RAMP1: variants seen among roughly 807,000 people sequenced by gnomAD.
RAMP1 encodes the protein receptor activity modifying protein 1, also known as receptor activity-modifying protein 1.
RAMP1 carries 7 observed loss-of-function variants against 8.2 expected under a neutral mutation model. The ratio of observed to expected loss-of-function variants is 0.85; its 90% CI spans 0.49 to 1.60. RAMP1 has a LOEUF of 1.60. Among genes scored for constraint, RAMP1 ranks in the 40% most tolerant of loss-of-function variants. The pLI is 0.00. For synonymous variants in RAMP1, 92 were observed against 84.7 expected (o/e 1.09, Z -0.47); for missense variants, 192 against 202.4 (o/e 0.95, Z 0.31).
rs983506628 is a variant in RAMP1 at position 237,862,715 on chromosome 2, G to A, written c.52+2988G>A. Among the ~76,000 whole-genome samples the A allele has an allele frequency of 6.6e-6, 1 of 152,124 alleles. No homozygotes were observed. Among genetic ancestry groups the A allele is most frequent in the Admixed American group, 6.6e-5 (1 of 15,260 alleles). On this transcript the variant is annotated intron_variant, in intron 1 of 2. Coordinates refer to ENST00000254661, the MANE Select transcript of RAMP1 (RefSeq NM_005855.4). This position sits in a 1 kb window ranked among gnomAD's most constrained non-coding sequence, Gnocchi z 4.0. Reference sequence around the variant, plus strand: ...GCCAGTGCCCCCACCCCCAACTCAGGCCTAGAACCCCTCTTTCCTGACGGT... The same window carrying A: ...GCCAGTGCCCCCACCCCCAACTCAGACCTAGAACCCCTCTTTCCTGACGGT...
intron 2 of RAMP1, among the ~76,000 whole-genome samples, chr2:237,892,143 C>T (rs2062493040): frequency 6.6e-6 from 1 of 152,174 alleles, no homozygotes; most frequent in Non-Finnish European, 1.5e-5. Context: ...AGCCTTTTAA[C>T]ACAGGAAATT....
intron 2 of RAMP1, among the ~76,000 whole-genome samples, chr2:237,898,046 T>A (rs1433855844): frequency 6.6e-6 from 1 of 152,050 alleles, no homozygotes; most frequent in East Asian, 1.9e-4. Flanking sequence ...TGATCCACCC[T>A]CCTCAGCCTC....
intron 2 of RAMP1, among the ~76,000 whole-genome samples, chr2:237,888,365 T>C (rs1049534962): frequency 2.6e-5 from 4 of 152,176 alleles, no homozygotes; most frequent in Non-Finnish European, 5.9e-5. Context: ...CTGTGGTTCT[T>C]GATAGATTTT....
At chr2:237,882,774 A>G (rs776501295) in intron 2 of RAMP1, among the ~76,000 whole-genome samples, 20 of 150,856 alleles carry the variant, frequency 1.3e-4, no homozygotes, top group Non-Finnish European at 3.0e-4. Flanking sequence ...CCTGGAGAGA[A>G]CACGAAGGCA....
intron 1 of RAMP1, among the ~76,000 whole-genome samples, chr2:237,872,602 G>T (rs147657282): frequency 6.6e-6 from 1 of 152,212 alleles, no homozygotes; most frequent in South Asian, 2.1e-4. Context: ...TGCCTCCTAC[G>T]TGTTCTGAGA....
chr2:237,873,825 G>A (rs567712310), intron 1 of RAMP1, among the ~76,000 whole-genome samples: 6 of 152,312 alleles, frequency 3.9e-5, no homozygotes, highest in South Asian at 2.1e-4. Context: ...CATCAGGCTC[G>A]TTTAAGAAAA....
At chr2:237,873,840 A>G (rs1177293140) in intron 1 of RAMP1, among the ~76,000 whole-genome samples, 6 of 152,212 alleles carry the variant, frequency 3.9e-5, no homozygotes, top group Admixed American at 3.3e-4. Flanking sequence ...AGAAAAACCC[A>G]AGCATTCTTC....
chr2:237,886,657 G>A (rs1193372084), intron 2 of RAMP1, among the ~76,000 whole-genome samples: 1 of 152,178 alleles, frequency 6.6e-6, no homozygotes, highest in Admixed American at 6.5e-5. Flanking sequence ...TCTGGCCCTG[G>A]GGGAAGGCAC....
chr2:237,895,584 G>A (rs1163899563), intron 2 of RAMP1, among the ~76,000 whole-genome samples: 1 of 152,166 alleles, frequency 6.6e-6, no homozygotes, highest in Non-Finnish European at 1.5e-5. Context: ...TGGGATGCCC[G>A]AACAGGGACC....
upstream of RAMP1, chr2:237,859,585 C>A: frequency 1.0e-6 from 1 of 987,304 alleles, no homozygotes; most frequent in South Asian, 4.8e-5. Context: ...GCTCCCGCCC[C>A]CGGCGCGTCT....
At chr2:237,884,384 G>A (rs777159430) in intron 2 of RAMP1, among the ~76,000 whole-genome samples, 21 of 152,130 alleles carry the variant, frequency 1.4e-4, no homozygotes, top group African/African-American at 1.9e-4. Flanking sequence ...ATGTGTCATC[G>A]GGAACTCTCA....
At chr2:237,901,410 C>T (rs939205071) in intron 2 of RAMP1, among the ~76,000 whole-genome samples, 1 of 152,224 alleles carries the variant, frequency 6.6e-6, no homozygotes, top group Non-Finnish European at 1.5e-5. Flanking sequence ...CCCCACTTTG[C>T]TGGGGAAGCC....
chr2:237,873,507 G>A (rs2062267255), intron 1 of RAMP1, among the ~76,000 whole-genome samples: 1 of 152,124 alleles, frequency 6.6e-6, no homozygotes, highest in Non-Finnish European at 1.5e-5. Context: ...CATTTCAGGG[G>A]CGCTGTCCTG....
At chr2:237,902,828 A>G (rs2062617137) in intron 2 of RAMP1, among the ~76,000 whole-genome samples, 1 of 152,238 alleles carries the variant, frequency 6.6e-6, no homozygotes, top group African/African-American at 2.4e-5. Flanking sequence ...GAGCTGTTAA[A>G]TATAATTATA....
chr2:237,882,995 G>A (rs2062387104), intron 2 of RAMP1, among the ~76,000 whole-genome samples: 2 of 152,154 alleles, frequency 1.3e-5, no homozygotes, highest in Admixed American at 1.3e-4. Context: ...TGACCTGATG[G>A]GGGACACAGG....
Position 237,876,194 on chromosome 2 carries a change from G to A in RAMP1, c.53-1030G>A, listed in dbSNP as rs73090692. On this transcript the variant is annotated intron_variant, in intron 1 of 2. Coordinates refer to ENST00000254661, the MANE Select transcript of RAMP1 (RefSeq NM_005855.4). ...TCACACCCACCCCAGGCCACGTGCC[G>A]GAGACTGGTACTCCAGAACCCCTCG... 1.8e-3 allele frequency among the ~76,000 whole-genome samples: 281 copies of A among 152,270 alleles called. 1 individual carries two copies. Among genetic ancestry groups the A allele is most frequent in the African/African-American group, 6.1e-3 (253 of 41,564 alleles).
intron 2 of RAMP1, among the ~76,000 whole-genome samples, chr2:237,892,735 T>TTCTCTCTC (rs35656622): frequency 1.3e-4 from 20 of 148,736 alleles, no homozygotes; most frequent in East Asian, 9.9e-4. Flanking sequence ...GGGCTTCCTC[T>TTCTCTCTC]TCTCTCTCTC....
chr2:237,874,339 C>G (rs979396093), intron 1 of RAMP1, among the ~76,000 whole-genome samples: 1 of 152,222 alleles, frequency 6.6e-6, no homozygotes, highest in Non-Finnish European at 1.5e-5. Flanking sequence ...CCTGCATTCG[C>G]TTCACTTGTT....
intron 2 of RAMP1, among the ~76,000 whole-genome samples, chr2:237,911,065 C>A (rs930975963): frequency 6.6e-6 from 1 of 152,066 alleles, no homozygotes; most frequent in Admixed American, 6.5e-5. Flanking sequence ...CACACACAGT[C>A]GCACACAGAA....
Sources: gnomAD v4.1 joint callset for allele counts (sites outside exome capture counted in the v4.1 genomes callset) on GRCh38, gnomAD v4.1.1 for gene constraint, Gnocchi (gnomAD v3.1) non-coding constraint, MANE v1.5 for transcripts, NCBI Gene and HGNC (gene_info 2026-07-23, HGNC 2026-07-21) for gene names.